Variants in NRXN2 observed in about 807,000 individuals in gnomAD.
NRXN2 encodes the protein neurexin-2-beta.
NRXN2 carries 29 observed loss-of-function variants against 128.8 expected under a neutral mutation model. The observed-to-expected ratio is 0.23, with a 90% confidence interval of 0.17 to 0.31. The LOEUF is 0.31. Among genes scored for constraint, NRXN2 ranks in the 10% least tolerant of loss-of-function variants. NRXN2 has a pLI of 1.00. For missense variants in NRXN2, 1,881 were observed against 2,452.6 expected (o/e 0.77, Z 4.92); for synonymous variants, 1,098 against 1,075.2 (o/e 1.02, Z -0.41).
intron 11 of NRXN2, among the ~76,000 whole-genome samples, chr11:64,655,861 C>T (rs369976218): frequency 2.0e-5 from 3 of 152,190 alleles, no homozygotes; most frequent in African/African-American, 7.2e-5. Flanking sequence ...TACACATTCA[C>T]CAAAGTTCAG....
chr11:64,717,952 C>T (rs770639636), intron 1 of NRXN2, among the ~76,000 whole-genome samples: 10 of 152,176 alleles, frequency 6.6e-5, no homozygotes, highest in Admixed American at 1.3e-4. Flanking sequence ...CACTCTAAAG[C>T]CCACTCCTGG....
intron 1 of NRXN2, among the ~76,000 whole-genome samples, chr11:64,721,068 G>A (rs1021975983): frequency 2.0e-5 from 3 of 152,000 alleles, no homozygotes; most frequent in African/African-American, 7.3e-5. Context: ...AAGGAGGCAG[G>A]CATGAGGTGG....
At position 64,713,695 on chromosome 11, in the gene NRXN2, G is replaced by T. The variant is rs1315309671; in HGVS notation, c.5C>A (p.Ala2Glu). The part of the protein sequence containing the change: M[A>E]SGSRWRPTPP... ...TGTCGGCCGCCACCGGCTCCCGGAC[G>T]CCATGCCTACGGCGGCCCCGGCCCC... The change falls in exon 2 of 23, where the codon GCG (alanine) becomes GAG (glutamate). Residue 2 changes from alanine to glutamate, a missense_variant. Around this residue, in one of 7 missense-constraint regions of NRXN2, gnomAD observed 997 missense variants for 1,240.8 expected, o/e 0.80. Transcript: ENST00000265459. 1.8e-6 allele frequency: 2 copies of T among 1,118,288 alleles called. No homozygotes were observed. The highest frequency in any genetic ancestry group is 2.2e-6 in the Non-Finnish European group (2 of 918,750). 69.3% of individuals were successfully genotyped at this position (1,118,288 alleles called of 1,614,324 possible).
intron 22 of NRXN2, among the ~76,000 whole-genome samples, chr11:64,613,828 C>A (rs183047055): frequency 2.0e-5 from 3 of 152,096 alleles, no homozygotes; most frequent in Non-Finnish European, 4.4e-5. Context: ...CAATCCAAGG[C>A]GTGGAGGCTG....
chr11:64,659,348 A>G (rs2048705372), intron 11 of NRXN2: 1 of 152,316 alleles, frequency 6.6e-6, no homozygotes, highest in African/African-American at 2.4e-5. Flanking sequence ...TGTCCCATAA[A>G]TAGCTGAATG....
chr11:64,658,014 A>G (rs998749814), intron 11 of NRXN2, among the ~76,000 whole-genome samples: 4 of 152,184 alleles, frequency 2.6e-5, no homozygotes, highest in Non-Finnish European at 5.9e-5. Context: ...CACAGACAGA[A>G]AAGTGTGCCC....
chr11:64,666,307 T>C (rs1014628743), intron 9 of NRXN2, among the ~76,000 whole-genome samples: 6 of 151,770 alleles, frequency 4.0e-5, no homozygotes, highest in Non-Finnish European at 8.8e-5. Flanking sequence ...GTTCAAGCGA[T>C]TCTCCTGCCT....
In NRXN2 at chr11:64,713,478, G is replaced by C; in HGVS notation, c.222C>G (p.Asp74Glu). 3 of 1,533,336 alleles carry C rather than the reference G, an allele frequency of 2.0e-6. No individual in the cohort carries two copies. Among genetic ancestry groups the C allele is most frequent in the Non-Finnish European group, 2.6e-6 (3 of 1,149,804 alleles). 95.0% of individuals were successfully genotyped at this position (1,533,336 alleles called of 1,614,324 possible). A position where few individuals can be genotyped will look rare whatever the true frequency, so the allele number is the denominator to read the frequency against. The change falls in exon 2 of 23, where the codon GAC (aspartate) becomes GAG (glutamate). Residue 74 changes from aspartate (D) to glutamate (E), a missense_variant. Transcript: ENST00000265459. Reference sequence around the variant, plus strand: ...CCAGCAGCAGCTCCAGGAAGTCGCAGTCGCCGCCGTCGTCCAGGTAGAGCA... The same window carrying C: ...CCAGCAGCAGCTCCAGGAAGTCGCACTCGCCGCCGTCGTCCAGGTAGAGCA... Reference protein sequence around the residue: ...ALLLYLDDGGDCDFLELLLVD... With the variant: ...ALLLYLDDGGECDFLELLLVD...
chr11:64,698,999 T>G (rs1339273334), intron 2 of NRXN2, among the ~76,000 whole-genome samples: 4 of 152,202 alleles, frequency 2.6e-5, no homozygotes, highest in Non-Finnish European at 5.9e-5. Flanking sequence ...TACACACTTA[T>G]GTACACACAG....
chr11:64,704,621 CACAGAGAGAGAGAGAGAGAG>C (rs1242809320), intron 2 of NRXN2, among the ~76,000 whole-genome samples: 1 of 88,984 alleles, frequency 1.1e-5, no homozygotes, highest in Non-Finnish European at 2.4e-5. Context: ...CACACACACA[CACAGAGAGAGAGAGAGAGAG>C]AGAGAGAGAG....
rs547602799 is a variant in NRXN2, at chr11:64,619,559, C to A, written c.4252+735G>T. On this transcript the variant is annotated intron_variant, in intron 22 of 22. Transcript: ENST00000265459. Reference sequence around the variant, plus strand: ...CAAGCAGAGGCCTAGAAAGCACTCCCTGGCCCCATTGCCCCAGGCCCTGGA... The same window carrying A: ...CAAGCAGAGGCCTAGAAAGCACTCCATGGCCCCATTGCCCCAGGCCCTGGA... Among the ~76,000 whole-genome samples the A allele has an allele frequency of 1.2e-4, 19 of 152,252 alleles. No individual in the cohort carries two copies. The South Asian group carries it at 1.9e-3, about 15-fold the overall frequency.
In NRXN2 at chr11:64,651,777, A is replaced by C. The variant is rs1366024683; in HGVS notation, c.2537-141T>G. On this transcript the variant is annotated intron_variant, in intron 13 of 22. Transcript: ENST00000265459. The surrounding 1 kb of genome is among the most constrained non-coding windows in gnomAD (Gnocchi z 5.9). ...TGTCCTCGGCTAGGCACTAGCAGCC[A>C]GCACAGCTCCAAGAGGAGTGGCAGG... The C allele has an allele frequency of 9.6e-6, 10 of 1,040,794 alleles. No individual in the cohort carries two copies. Among genetic ancestry groups the C allele is most frequent in the East Asian group, 2.6e-5 (1 of 39,152 alleles). The allele number at this position is 1,040,794 out of a possible 1,614,324, so 64.5% of individuals were successfully genotyped here.
At chr11:64,620,451 C>G in intron 21 of NRXN2, 79 bp from the exon 22 acceptor site, 1 of 1,119,274 alleles carries the variant, frequency 8.9e-7, no homozygotes, top group Non-Finnish European at 1.3e-6. Context: ...TTGAGGTGCA[C>G]GGTGGCACGG....
chr11:64,713,059 G>A lies in NRXN2; in HGVS notation c.641C>T (p.Ala214Val). ...PLCAPARNPC[A>V]NGGLCTVLAP... The stretch of plus-strand genomic sequence containing the variant: ...CAGCACGGTGCAGAGGCCGCCGTTG[G>A]CGCAGGGGTTGCGCGCGGGCGCGCA... Residue 214 changes from alanine (A) to valine (V), a missense_variant, in exon 2 of 23, where the codon GCC (alanine) becomes GTC (valine). Physicochemically the swap from Ala to Val is moderately conservative, Grantham distance 64. This residue lies in a region of NRXN2 where 997 missense variants were observed against 1,240.8 expected (regional missense o/e 0.80). Transcript: ENST00000265459. The A allele has an allele frequency of 7.7e-7, 1 of 1,302,836 alleles. No homozygotes were observed. Among genetic ancestry groups the A allele is most frequent in the Non-Finnish European group, 9.7e-7 (1 of 1,034,516 alleles). 80.7% of individuals were successfully genotyped at this position (1,302,836 alleles called of 1,614,324 possible). A position where few individuals can be genotyped will look rare whatever the true frequency, so the allele number is the denominator to read the frequency against.
chr11:64,675,094 G>A (rs1328944733), intron 7 of NRXN2: 1 of 152,234 alleles, frequency 6.6e-6, no homozygotes, highest in Non-Finnish European at 1.5e-5. Flanking sequence ...GTCACAGGTT[G>A]GTTATCTAGT....
chr11:64,663,149 C>T (rs993683873), intron 9 of NRXN2, among the ~76,000 whole-genome samples: 3 of 152,024 alleles, frequency 2.0e-5, no homozygotes, highest in Non-Finnish European at 4.4e-5. Context: ...GCAGGAGGAT[C>T]GCCTGAGGTC....
At position 64,630,576 on chromosome 11, in the gene NRXN2, G is replaced by A. The variant is rs774839535; in HGVS notation, c.3586-3C>T. The stretch of plus-strand genomic sequence containing the variant: ...ATCACCCCCACGGTGCCCTGGTCCT[G>A]GGGACATGGAGGTGGAGGTCAGCGA... On this transcript the variant is annotated splice_polypyrimidine_tract_variant and splice_region_variant and intron_variant, in intron 18 of 22. Transcript: ENST00000265459. This position sits in a 1 kb window ranked among gnomAD's most constrained non-coding sequence, Gnocchi z 4.6. The A allele has an allele frequency of 1.9e-6, 3 of 1,613,818 alleles. No homozygotes were observed. Among genetic ancestry groups the A allele is most frequent in the Non-Finnish European group, 2.5e-6 (3 of 1,179,994 alleles).
chr11:64,642,050 T>C (rs930838364), intron 17 of NRXN2, among the ~76,000 whole-genome samples: 1 of 151,858 alleles, frequency 6.6e-6, no homozygotes, highest in African/African-American at 2.4e-5. Context: ...ATGACAGATG[T>C]GACAGAGGTG....
chr11:64,712,213 C>T (rs1381390364), intron 2 of NRXN2, among the ~76,000 whole-genome samples: 2 of 151,396 alleles, frequency 1.3e-5, no homozygotes, highest in East Asian at 3.9e-4. Flanking sequence ...GTCTCACAGG[C>T]CCCGCCCACA....
Sources: allele counts gnomAD v4.1 joint callset (sites outside exome capture counted in the v4.1 genomes callset), GRCh38; gene constraint gnomAD v4.1.1; regional missense constraint gnomAD v4.1.1; non-coding constraint Gnocchi (gnomAD v3.1); transcripts MANE v1.5; gene names NCBI Gene and HGNC (gene_info 2026-07-23, HGNC 2026-07-21).